Variants in TUSC3 observed in about 807,000 individuals in gnomAD.
TUSC3 encodes dolichyl-diphosphooligosaccharide--protein glycosyltransferase subunit TUSC3.
Under a neutral mutation model 44.8 loss-of-function variants are expected in TUSC3, and 45 were observed. The ratio of observed to expected loss-of-function variants is 1.00; its 90% CI spans 0.79 to 1.29. TUSC3 has a LOEUF of 1.29. Ranked by LOEUF, TUSC3 falls within the 50% of genes most tolerant of loss-of-function variation. The pLI is 0.00. For synonymous variants in TUSC3, 212 were observed against 152.9 expected, an observed-to-expected ratio of 1.39 and a Z score of -2.85; for missense variants, 519 against 437.9, an observed-to-expected ratio of 1.19 and a Z score of -1.65.
At chr8:15,645,437 A>G (rs1366441345) in intron 2 of TUSC3, among the ~76,000 whole-genome samples, 1 of 151,904 alleles carries the variant, frequency 6.6e-6, no homozygotes, top group East Asian at 1.9e-4. Flanking sequence ...ATTTTTTTTT[A>G]CATTCATACT....
chr8:15,764,202 G>C lies in TUSC3; in HGVS notation c.*47-1G>C. On this transcript the variant is annotated splice_acceptor_variant, in intron 10 of 10. Transcript: ENST00000503731. LOFTEE classifies it low-confidence loss of function (3UTR_SPLICE). ...ACATAATAATTTTCTTTCTTTTTCA[G>C]CTTTTTAATTAAATGAAGCCAAGTG... 2 of 1,605,454 alleles carry C rather than the reference G, an allele frequency of 1.2e-6. No individual in the cohort carries two copies. The highest frequency in any genetic ancestry group is 1.1e-5 in the South Asian group (1 of 90,816).
At chr8:15,797,787 C>G in the TUSC3 span, among the ~76,000 whole-genome samples, 1 of 152,168 alleles carries the variant, frequency 6.6e-6, no homozygotes, top group African/African-American at 2.4e-5. Context: ...GACAACACAG[C>G]AAGTGCTATC....
intron 2 of TUSC3, among the ~76,000 whole-genome samples, chr8:15,624,214 C>A (rs1805388595): frequency 6.6e-6 from 1 of 151,992 alleles, no homozygotes; most frequent in African/African-American, 2.4e-5. Flanking sequence ...TTTATTTAAC[C>A]ATTTATTTGT....
chr8:15,506,025 T>C (rs2129127634), intron 2 of TUSC3, among the ~76,000 whole-genome samples: 1 of 152,320 alleles, frequency 6.6e-6, no homozygotes, highest in Non-Finnish European at 1.5e-5. Context: ...TGTGCTAGTG[T>C]TTGTTTGCAG....
At chr8:15,679,697 G>C (rs75293541) in intron 6 of TUSC3, among the ~76,000 whole-genome samples, 3,471 of 152,086 alleles carry the variant, frequency 0.023, 85 homozygotes, top group Non-Finnish European at 0.032. Flanking sequence ...ATATTTCTTA[G>C]GTTTTCATCT....
At chr8:15,816,626 G>A in the TUSC3 span, among the ~76,000 whole-genome samples, 4 of 152,108 alleles carry the variant, frequency 2.6e-5, no homozygotes, top group African/African-American at 7.2e-5. Context: ...CAAACTACCA[G>A]TTCATTCATT....
chr8:15,454,666 A>T (rs1312280298), intron 1 of TUSC3, among the ~76,000 whole-genome samples: 1 of 152,172 alleles, frequency 6.6e-6, no homozygotes, highest in Non-Finnish European at 1.5e-5. Context: ...TTACTGACTC[A>T]GATGGAGCCC....
chr8:15,621,341 T>C (rs1221480012), intron 1 of TUSC3, among the ~76,000 whole-genome samples: 1 of 151,318 alleles, frequency 6.6e-6, no homozygotes, highest in Non-Finnish European at 1.5e-5. Context: ...ACATGGAAAA[T>C]AACCTCACTT....
chr8:15,748,376 A>C lies in TUSC3; in HGVS notation c.939A>C (p.Ile313=), dbSNP rs1247622099. The change falls in exon 9 of 11, where the codon ATA becomes ATC. Residue 313 remains isoleucine, a splice_region_variant and synonymous_variant. Transcript: ENST00000503731. The stretch of plus-strand genomic sequence containing the variant: ...ATGGTATTTTCTGTCTGTTTCTAGT[A>C]ATTTGCCTAGTGGGATTGGGCCTGG... ...TSKGDVGKRR[I]ICLVGLGLVV... 1 of 1,612,304 alleles carries C rather than the reference A, an allele frequency of 6.2e-7. No homozygotes were observed.
At chr8:15,795,709 G>A in the TUSC3 span, among the ~76,000 whole-genome samples, 5 of 152,332 alleles carry the variant, frequency 3.3e-5, no homozygotes, top group African/African-American at 1.2e-4. Flanking sequence ...GAGTGCCCCA[G>A]GTAGTACCCA....
At chr8:15,631,146 A>G (rs1805745084) in intron 2 of TUSC3, among the ~76,000 whole-genome samples, 2 of 152,182 alleles carry the variant, frequency 1.3e-5, no homozygotes, top group South Asian at 4.1e-4. Context: ...GGTTTGGCTA[A>G]CGTGAGACAT....
At chr8:15,642,355 T>G (rs2129172200) in intron 2 of TUSC3, among the ~76,000 whole-genome samples, 1 of 152,262 alleles carries the variant, frequency 6.6e-6, no homozygotes, top group African/African-American at 2.4e-5. Flanking sequence ...AAAAATAGTC[T>G]ATTAAAAATA....
At chr8:15,638,003 T>C (rs967477923) in intron 2 of TUSC3, among the ~76,000 whole-genome samples, 2 of 152,190 alleles carry the variant, frequency 1.3e-5, no homozygotes, top group African/African-American at 4.8e-5. Context: ...CCCCACAAAG[T>C]GGTGCATTCT....
chr8:15,554,097 C>A (rs1322568751), intron 1 of TUSC3, among the ~76,000 whole-genome samples: 3 of 151,600 alleles, frequency 2.0e-5, no homozygotes, highest in Admixed American at 6.6e-5. Context: ...TCTCTGTCTT[C>A]ACATGATTCA....
intron 2 of TUSC3, 110 bp downstream of exon 2, chr8:15,623,359 C>A: frequency 9.1e-7 from 1 of 1,102,428 alleles, no homozygotes; most frequent in South Asian, 2.3e-5. Flanking sequence ...GTTTAATAGT[C>A]AAATATAACT....
At chr8:15,623,015 T>C in intron 1 of TUSC3, 65 bp from the exon 2 acceptor site, 1 of 1,511,144 alleles carries the variant, frequency 6.6e-7, no homozygotes, top group Admixed American at 1.8e-5. Flanking sequence ...TTTATGCATT[T>C]ATATGAAATT....
intron 1 of TUSC3, among the ~76,000 whole-genome samples, chr8:15,581,839 G>T (rs1156784239): frequency 6.6e-5 from 8 of 120,336 alleles, no homozygotes; most frequent in Non-Finnish European, 1.3e-4. Context: ...GCTGTGGTGG[G>T]CTCCACCCAG....
intron 10 of TUSC3, among the ~76,000 whole-genome samples, chr8:15,762,863 G>C (rs1221345598): frequency 6.6e-6 from 1 of 150,920 alleles, no homozygotes; most frequent in Non-Finnish European, 1.5e-5. Context: ...GGATTGAACA[G>C]CAACTACAGC....
the TUSC3 span, among the ~76,000 whole-genome samples, chr8:15,841,308 G>A: frequency 6.6e-6 from 1 of 151,758 alleles, no homozygotes; most frequent in Non-Finnish European, 1.5e-5. Flanking sequence ...AATTCATTGT[G>A]GTAATTAATA....
Sources: gnomAD v4.1 joint callset for allele counts (sites outside exome capture counted in the v4.1 genomes callset) on GRCh38, gnomAD v4.1.1 for gene constraint, MANE v1.5 for transcripts, NCBI Gene and HGNC (gene_info 2026-07-23, HGNC 2026-07-21) for gene names.